Variants in EXOC6B observed in about 807,000 individuals in gnomAD.
The protein encoded by EXOC6B is exocyst complex component 6B.
In EXOC6B, 54 loss-of-function variants were observed where a neutral mutation model predicts 113.5. That is an observed-to-expected ratio of 0.48 (90% CI 0.38 to 0.60). The LOEUF is 0.60. Ranked by LOEUF, EXOC6B falls within the 20% of genes least tolerant of loss-of-function variation. The probability of loss-of-function intolerance (pLI) is 0.00; values close to 1 mark genes in which losing one functional copy is unlikely to be tolerated. For synonymous variants in EXOC6B, 357 were observed against 339.0 expected (o/e 1.05, Z -0.58); for missense variants, 797 against 977.5 (o/e 0.82, Z 2.46).
chr2:72,769,767 G>A (rs148005470), intron 1 of EXOC6B, among the ~76,000 whole-genome samples: 7,369 of 152,162 alleles, frequency 0.048, 256 homozygotes, highest in Middle Eastern at 0.11. Flanking sequence ...AGCCGAGATC[G>A]TGCCACTGCA....
chr2:72,465,865 G>A (rs993744521), intron 17 of EXOC6B, among the ~76,000 whole-genome samples: 1 of 152,148 alleles, frequency 6.6e-6, no homozygotes, highest in Non-Finnish European at 1.5e-5. Context: ...TGGAATTCAT[G>A]AGATGGTTTT....
chr2:72,292,171 A>AAGTGTGTGTG (rs1491445512), intron 20 of EXOC6B, among the ~76,000 whole-genome samples: 15 of 124,774 alleles, frequency 1.2e-4, no homozygotes, highest in African/African-American at 5.0e-4. Context: ...ATCCAGAAGT[A>AAGTGTGTGTG]AGTGTGTGTG....
At chr2:72,561,551 A>G (rs1486429272) in intron 7 of EXOC6B, among the ~76,000 whole-genome samples, 1 of 152,110 alleles carries the variant, frequency 6.6e-6, no homozygotes, top group Non-Finnish European at 1.5e-5. Context: ...TTCCTCAGAC[A>G]AGGCCTTAGC....
At chr2:72,241,506 A>C (rs1368603650) in intron 20 of EXOC6B, among the ~76,000 whole-genome samples, 1 of 152,204 alleles carries the variant, frequency 6.6e-6, no homozygotes, top group Non-Finnish European at 1.5e-5. Flanking sequence ...GGAATCTTGG[A>C]GAACATGAAG....
chr2:72,626,352 T>C (rs1345836633), intron 6 of EXOC6B, among the ~76,000 whole-genome samples: 1 of 152,126 alleles, frequency 6.6e-6, no homozygotes, highest in Non-Finnish European at 1.5e-5. Flanking sequence ...GCTGGCATAA[T>C]AGATCTCAAA....
At chr2:72,265,170 C>G (rs760923568) in intron 20 of EXOC6B, among the ~76,000 whole-genome samples, 9 of 151,910 alleles carry the variant, frequency 5.9e-5, no homozygotes, top group Non-Finnish European at 1.5e-5. Flanking sequence ...GAAGTCCAGG[C>G]TGAGATGGTC....
intron 1 of EXOC6B, among the ~76,000 whole-genome samples, chr2:72,824,211 T>C (rs1402638964): frequency 6.6e-6 from 1 of 151,724 alleles, no homozygotes; most frequent in African/African-American, 2.4e-5. Context: ...CATGGCAAAA[T>C]CCCATCTCTA....
chr2:72,372,593 C>T (rs1314224128), intron 19 of EXOC6B, among the ~76,000 whole-genome samples: 2 of 152,104 alleles, frequency 1.3e-5, no homozygotes, highest in African/African-American at 4.8e-5. Flanking sequence ...CACCTGTAAT[C>T]CCAGCACTTT....
intron 1 of EXOC6B, among the ~76,000 whole-genome samples, chr2:72,823,171 A>AG (rs56933390): frequency 2.0e-5 from 3 of 150,540 alleles, no homozygotes; most frequent in Admixed American, 6.6e-5. Context: ...AAAAAAAAAA[A>AG]GTTGAGATCA....
chr2:72,224,885 T>TAC (rs34518794), intron 20 of EXOC6B, among the ~76,000 whole-genome samples: 17,028 of 149,920 alleles, frequency 0.11, 1,204 homozygotes, highest in Admixed American at 0.15. Context: ...TATATATATA[T>TAC]ACATCTATGT....
chr2:72,613,239 G>T (rs1671183799), intron 6 of EXOC6B, among the ~76,000 whole-genome samples: 1 of 151,932 alleles, frequency 6.6e-6, no homozygotes, highest in South Asian at 2.1e-4. Flanking sequence ...TTCAAACAGG[G>T]TCATAATCAT....
At chr2:72,201,275 A>G (rs1464195881) in intron 20 of EXOC6B, among the ~76,000 whole-genome samples, 1 of 152,198 alleles carries the variant, frequency 6.6e-6, no homozygotes, top group Non-Finnish European at 1.5e-5. Flanking sequence ...ATATACTACA[A>G]TGTATTCATC....
intron 20 of EXOC6B, among the ~76,000 whole-genome samples, chr2:72,223,647 T>C (rs756638936): frequency 5.3e-5 from 8 of 152,168 alleles, no homozygotes; most frequent in Non-Finnish European, 1.2e-4. Context: ...AATACATTTA[T>C]AAAGACAGAA....
At chr2:72,760,811 GCATGA>G (rs1019825492) in intron 1 of EXOC6B, among the ~76,000 whole-genome samples, 1 of 152,174 alleles carries the variant, frequency 6.6e-6, no homozygotes, top group Non-Finnish European at 1.5e-5. Flanking sequence ...CACTAAAACT[GCATGA>G]TTAGTTCAAT....
chr2:72,573,884 G>A (rs1442346557), intron 7 of EXOC6B, among the ~76,000 whole-genome samples: 1 of 152,132 alleles, frequency 6.6e-6, no homozygotes, highest in Non-Finnish European at 1.5e-5. Context: ...AGGAGTCCGA[G>A]TCGGGTGGAT....
chr2:72,461,072 A>G (rs1697624753), intron 18 of EXOC6B, among the ~76,000 whole-genome samples: 1 of 151,894 alleles, frequency 6.6e-6, no homozygotes, highest in Admixed American at 6.6e-5. Flanking sequence ...CACGGATGAA[A>G]CTGGAAATCA....
chr2:72,762,242 C>CAAAAA (rs557776288), intron 1 of EXOC6B, among the ~76,000 whole-genome samples: 12 of 60,806 alleles, frequency 2.0e-4, no homozygotes, highest in East Asian at 5.3e-4. Flanking sequence ...GACTCCGTCT[C>CAAAAA]AAAAAAAAAA....
chr2:72,609,357 A>T (rs1670930936), intron 6 of EXOC6B, among the ~76,000 whole-genome samples: 1 of 152,152 alleles, frequency 6.6e-6, no homozygotes, highest in African/African-American at 2.4e-5. Flanking sequence ...AACAAGAGGG[A>T]AAAGGTAGAC....
chr2:72,411,047 A>T (rs1275560415), intron 18 of EXOC6B, among the ~76,000 whole-genome samples: 1 of 152,142 alleles, frequency 6.6e-6, no homozygotes, highest in African/African-American at 2.4e-5. Context: ...TGTCTCTACT[A>T]AAAATACAAA....
Sources: allele counts gnomAD v4.1 joint callset (sites outside exome capture counted in the v4.1 genomes callset), GRCh38; gene constraint gnomAD v4.1.1; transcripts MANE v1.5; gene names NCBI Gene and HGNC (gene_info 2026-07-23, HGNC 2026-07-21).